The following SYN2 variants were observed in gnomAD, a reference collection of about 807,000 sequenced individuals.
SYN2 encodes synapsin II, also known as synapsin-2.
Under a neutral mutation model 50.9 loss-of-function variants are expected in SYN2, and 19 were observed. The ratio of observed to expected loss-of-function variants is 0.37; its 90% CI spans 0.26 to 0.55. The LOEUF is 0.55. SYN2 is among the 20% of genes least tolerant of loss of function. The pLI is 0.81. For synonymous variants in SYN2, 255 were observed against 224.9 expected (o/e 1.13, Z -1.20); for missense variants, 587 against 576.4 (o/e 1.02, Z -0.19).
At chr3:12,135,242 A>G (rs1420293195) in intron 1 of SYN2, among the ~76,000 whole-genome samples, 2 of 152,212 alleles carry the variant, frequency 1.3e-5, no homozygotes, top group Non-Finnish European at 2.9e-5. Context: ...GCCGGCGCTC[A>G]CAAACTTGCA....
At chr3:12,189,797 CAA>C (rs11335885) in intron 12 of SYN2, among the ~76,000 whole-genome samples, 1 of 151,582 alleles carries the variant, frequency 6.6e-6, no homozygotes, top group South Asian at 2.1e-4. Context: ...GATTCTGTCT[CAA>C]AAAAAAACAA....
At chr3:12,114,995 C>G (rs1307321757) in intron 1 of SYN2, among the ~76,000 whole-genome samples, 1 of 152,144 alleles carries the variant, frequency 6.6e-6, no homozygotes, top group East Asian at 1.9e-4. Flanking sequence ...CTTTCCATCC[C>G]CAATGTTATC....
At chr3:12,134,219 C>T (rs916656043) in intron 1 of SYN2, among the ~76,000 whole-genome samples, 1 of 152,086 alleles carries the variant, frequency 6.6e-6, no homozygotes, top group African/African-American at 2.4e-5. Context: ...ACCGTAGTCT[C>T]AACAACAAAA....
At position 12,191,473 on chromosome 3, in the gene SYN2, GGT is replaced by G. The variant is rs150504223; in HGVS notation, c.*864_*865del. 9.3e-5 allele frequency: 14 copies of G among 150,652 alleles called. No individual in the cohort carries two copies. The highest frequency in any genetic ancestry group is 1.6e-4 in the Non-Finnish European group (11 of 67,488). 9.3% of individuals were successfully genotyped at this position (150,652 alleles called of 1,614,324 possible). On this transcript the variant is annotated 3_prime_UTR_variant, in exon 13 of 13. Transcript: ENST00000621198. The stretch of plus-strand genomic sequence containing the variant: ...TTAGGCTGAGAGAGTGTCCATGAGG[GGT>G]GTGTGTGTGTGTGTGCTTGAGTGTA...
chr3:12,056,279 C>T (rs144987896), intron 1 of SYN2, among the ~76,000 whole-genome samples: 3 of 151,330 alleles, frequency 2.0e-5, no homozygotes, highest in African/African-American at 4.8e-5. Flanking sequence ...GTTACCTTTG[C>T]GGGGAAGGAG....
chr3:12,063,675 A>G (rs973707458), intron 1 of SYN2, among the ~76,000 whole-genome samples: 4 of 152,040 alleles, frequency 2.6e-5, no homozygotes, highest in Admixed American at 6.6e-5. Context: ...GGATATTTTT[A>G]AAAACACATG....
intron 10 of SYN2, among the ~76,000 whole-genome samples, chr3:12,176,776 T>C (rs555162342): frequency 1.6e-4 from 24 of 152,326 alleles, no homozygotes; most frequent in African/African-American, 5.3e-4. Flanking sequence ...ATGAGTGCAT[T>C]AATTAATATC....
At chr3:12,089,113 C>T (rs989174303) in intron 1 of SYN2, among the ~76,000 whole-genome samples, 1 of 152,166 alleles carries the variant, frequency 6.6e-6, no homozygotes, top group Non-Finnish European at 1.5e-5. Context: ...ATCAAGACAT[C>T]ACATTGTATT....
At chr3:12,125,557 T>G (rs993387492) in intron 1 of SYN2, among the ~76,000 whole-genome samples, 1 of 152,184 alleles carries the variant, frequency 6.6e-6, no homozygotes, top group African/African-American at 2.4e-5. Flanking sequence ...AGAATTTCAT[T>G]AGGTTTTAAT....
At chr3:12,140,098 A>G (rs1021679) in intron 1 of SYN2, among the ~76,000 whole-genome samples, 12,059 of 152,152 alleles carry the variant, frequency 0.079, 586 homozygotes, top group African/African-American at 0.13. Context: ...GCTACCTTCT[A>G]TTTTGGTCTA....
chr3:12,059,318 C>T (rs956316653), intron 1 of SYN2, among the ~76,000 whole-genome samples: 1 of 152,178 alleles, frequency 6.6e-6, no homozygotes, highest in African/African-American at 2.4e-5. Flanking sequence ...GGTGGGACAT[C>T]TTGAAGCAGA....
At chr3:12,038,829 G>T (rs1296709028) in intron 1 of SYN2, among the ~76,000 whole-genome samples, 6 of 152,044 alleles carry the variant, frequency 3.9e-5, no homozygotes. Context: ...GTATTCCTTA[G>T]AATTTTCTAT....
intron 10 of SYN2, among the ~76,000 whole-genome samples, chr3:12,173,515 T>C (rs573099666): frequency 3.4e-4 from 52 of 152,308 alleles, no homozygotes; most frequent in African/African-American, 1.2e-3. Flanking sequence ...CAAAAGATTA[T>C]TGGAAAGTTG....
At chr3:12,103,704 T>C (rs1286748010) in intron 1 of SYN2, among the ~76,000 whole-genome samples, 1 of 152,170 alleles carries the variant, frequency 6.6e-6, no homozygotes, top group Admixed American at 6.5e-5. Flanking sequence ...CAGTCAACAA[T>C]ATAATTTCAA....
At chr3:12,051,456 C>T (rs1240516193) in intron 1 of SYN2, among the ~76,000 whole-genome samples, 2 of 146,348 alleles carry the variant, frequency 1.4e-5, no homozygotes, top group East Asian at 4.0e-4. Flanking sequence ...TGCTGGTCTT[C>T]TAGTTTTGGG....
At position 12,086,858 on chromosome 3, in the gene SYN2, C is replaced by T. The variant is rs552442840; in HGVS notation, c.378-53793C>T. The stretch of plus-strand genomic sequence containing the variant: ...TTTATCATAATACTAGAATTCCTAG[C>T]TAGAGCAATTAGGCAAGAAATAGAA... On this transcript the variant is annotated intron_variant, in intron 1 of 12. Coordinates refer to ENST00000621198, the MANE Select transcript of SYN2 (RefSeq NM_133625.6). 2.8e-4 allele frequency among the ~76,000 whole-genome samples: 42 copies of T among 152,112 alleles called. No homozygotes were observed. The South Asian group carries it at 5.0e-3, about 18-fold the overall frequency.
intron 1 of SYN2, among the ~76,000 whole-genome samples, chr3:12,010,701 C>T (rs1693896530): frequency 6.6e-6 from 1 of 152,150 alleles, no homozygotes; most frequent in Non-Finnish European, 1.5e-5. Flanking sequence ...AGTTTTTGTG[C>T]CATTTTCTTT....
chr3:12,125,847 A>G (rs1165738568), intron 1 of SYN2, among the ~76,000 whole-genome samples: 1 of 151,644 alleles, frequency 6.6e-6, no homozygotes, highest in Non-Finnish European at 1.5e-5. Flanking sequence ...AAAGTGAAAA[A>G]AAAAAAAAAA....
At chr3:12,160,071 A>G (rs1031366064) in intron 5 of SYN2, among the ~76,000 whole-genome samples, 1 of 146,196 alleles carries the variant, frequency 6.8e-6, no homozygotes, top group Non-Finnish European at 1.5e-5. Flanking sequence ...AAAAAAGTAA[A>G]AGAAAAAACA....
Sources: allele counts gnomAD v4.1 joint callset (sites outside exome capture counted in the v4.1 genomes callset), GRCh38; gene constraint gnomAD v4.1.1; transcripts MANE v1.5; gene names NCBI Gene and HGNC (gene_info 2026-07-23, HGNC 2026-07-21).